The following MED13 variants were observed in gnomAD, a reference collection of about 807,000 sequenced individuals.
The protein encoded by MED13 is mediator complex subunit 13, also known as mediator of RNA polymerase II transcription subunit 13.
A neutral mutation model predicts 225.2 loss-of-function variants in MED13; 23 were observed. That is an observed-to-expected ratio of 0.10 (90% CI 0.07 to 0.14). MED13 has a LOEUF of 0.14. Among genes scored for constraint, MED13 ranks in the 10% least tolerant of loss-of-function variants. The pLI is 1.00. For missense variants in MED13, 2,197 were observed against 2,594.5 expected (o/e 0.85, Z 3.33); for synonymous variants, 942 against 889.2 (o/e 1.06, Z -1.06).
Position 61,992,503 on chromosome 17 carries a change from G to A in MED13, c.2263+37C>T, listed in dbSNP as rs545360444. The A allele has an allele frequency of 3.2e-5, 41 of 1,300,652 alleles. No individual in the cohort carries two copies. The South Asian group carries it at 4.4e-4, about 14-fold the overall frequency. The allele number at this position is 1,300,652 out of a possible 1,614,324, so 80.6% of individuals were successfully genotyped here. ...CAGATCAGTCTGTAGTAACAATCCTGGAATGCAATATTTTCATTAGGAAAT... is the reference window on the plus strand; with the variant it reads ...CAGATCAGTCTGTAGTAACAATCCTAGAATGCAATATTTTCATTAGGAAAT... On this transcript the variant is annotated intron_variant, in intron 11 of 29. Coordinates refer to ENST00000397786, the MANE Select transcript of MED13 (RefSeq NM_005121.3).
At position 61,991,900 on chromosome 17, in the gene MED13, C is replaced by T. The variant is rs543560187; in HGVS notation, c.2263+640G>A. Among the ~76,000 whole-genome samples, 5 of 152,300 alleles carry T rather than the reference C, an allele frequency of 3.3e-5. No individual in the cohort carries two copies. In the South Asian group the frequency reaches 8.3e-4, roughly 25 times the overall value. ...ACCTCAAGTGATCCACCCACCTTGG[C>T]CTCCCAAAGTGCTGGGATTACGGGC... On this transcript the variant is annotated intron_variant, in intron 11 of 29. Coordinates refer to ENST00000397786, the MANE Select transcript of MED13 (RefSeq NM_005121.3).
chr17:61,956,233 T>G, intron 24 of MED13, 106 bp downstream of exon 24: 1 of 1,126,094 alleles, frequency 8.9e-7, no homozygotes, highest in Non-Finnish European at 1.2e-6. Flanking sequence ...GTTCCTTATT[T>G]GATAACCTTT....
Position 61,972,700 on chromosome 17 carries a change from CATT to C in MED13, c.3967+24_3967+26del, listed in dbSNP as rs747456855. 3.9e-6 allele frequency: 6 copies of C among 1,537,858 alleles called. No homozygotes were observed. The South Asian group carries it at 7.6e-5, about 19-fold the overall frequency. ...ATCTGAGGACTGATATAAAATTAGT[CATT>C]ATATATCACTATAAATTACTTACCA... On this transcript the variant is annotated intron_variant, in intron 17 of 29. Coordinates refer to ENST00000397786, the MANE Select transcript of MED13 (RefSeq NM_005121.3).
intron 3 of MED13, among the ~76,000 whole-genome samples, chr17:62,049,078 CAAAAAAAA>C (rs890393330): frequency 2.2e-5 from 1 of 45,316 alleles, no homozygotes; most frequent in East Asian, 8.3e-4. Flanking sequence ...GTAAATAAGA[CAAAAAAAA>C]AAAAAAAAAG....
At chr17:61,996,856 C>T (rs188341273) in intron 9 of MED13, among the ~76,000 whole-genome samples, 1 of 152,306 alleles carries the variant, frequency 6.6e-6, no homozygotes, top group African/African-American at 2.4e-5. Context: ...AACCTTTGTT[C>T]ACTAATTTAG....
chr17:61,966,320 A>T, intron 19 of MED13, 142 bp downstream of exon 19: 1 of 674,350 alleles, frequency 1.5e-6, no homozygotes, highest in Non-Finnish European at 2.5e-6. Context: ...CTCAGCTCCA[A>T]TGTTGTAGCA....
At chr17:62,021,753 G>C (rs754551513) in intron 8 of MED13, among the ~76,000 whole-genome samples, 3 of 152,168 alleles carry the variant, frequency 2.0e-5, no homozygotes, top group Middle Eastern at 3.4e-3. Flanking sequence ...GAGTAAAATC[G>C]GTAGAACCTT....
intron 18 of MED13, among the ~76,000 whole-genome samples, chr17:61,967,478 C>T (rs1260172126): frequency 2.0e-5 from 3 of 152,222 alleles, no homozygotes; most frequent in East Asian, 1.9e-4. Context: ...GACTAAATTT[C>T]GAAGCCTTTG....
chr17:61,960,545 A>C (rs1009866490), intron 23 of MED13, among the ~76,000 whole-genome samples: 2 of 152,224 alleles, frequency 1.3e-5, no homozygotes, highest in Non-Finnish European at 2.9e-5. Context: ...AGAAAAGTTT[A>C]AATGTTCTAT....
intron 3 of MED13, among the ~76,000 whole-genome samples, chr17:62,050,343 A>G (rs1000815981): frequency 1.3e-5 from 2 of 151,052 alleles, no homozygotes; most frequent in African/African-American, 4.9e-5. Flanking sequence ...GGGCAACAAG[A>G]GTGAAACTCC....
intron 13 of MED13, 30 bp downstream of exon 13, chr17:61,984,970 T>C (rs2080235420): frequency 6.2e-7 from 1 of 1,607,402 alleles, no homozygotes; most frequent in Non-Finnish European, 8.5e-7. Context: ...GTTCGCAAAT[T>C]TATCTCGAGC....
chr17:61,986,031 TAG>T (rs2080244635), intron 12 of MED13, among the ~76,000 whole-genome samples: 1 of 152,174 alleles, frequency 6.6e-6, no homozygotes, highest in Non-Finnish European at 1.5e-5. Flanking sequence ...TGTCTTCTGT[TAG>T]ACAGTCTGTG....
chr17:62,062,600 C>CCACACA (rs58730188), intron 2 of MED13, among the ~76,000 whole-genome samples: 6,152 of 136,246 alleles, frequency 0.045, 176 homozygotes, highest in South Asian at 0.077. Context: ...CACACACACA[C>CCACACA]CACACACACA....
chr17:62,056,311 T>C (rs2080996085), intron 2 of MED13, among the ~76,000 whole-genome samples: 1 of 152,186 alleles, frequency 6.6e-6, no homozygotes, highest in African/African-American at 2.4e-5. Flanking sequence ...GGCATAGTGA[T>C]ATGCACTATT....
At chr17:61,967,581 A>G (rs142283831) in intron 18 of MED13, among the ~76,000 whole-genome samples, 20 of 152,332 alleles carry the variant, frequency 1.3e-4, no homozygotes, top group East Asian at 1.2e-3. Context: ...TGTGAGAATT[A>G]TAACTTAAAA....
rs2079831383 is a variant in MED13, at chr17:61,943,663, C to A, written c.*2805G>T. 1 of 152,560 alleles carries A rather than the reference C, an allele frequency of 6.6e-6. No individual in the cohort carries two copies. The highest frequency in any genetic ancestry group is 1.5e-5 in the Non-Finnish European group (1 of 68,012). 9.5% of individuals were successfully genotyped at this position (152,560 alleles called of 1,614,324 possible). ...TACACTTGGTGGCCTTCTGGCCAAA[C>A]AATAAGGTGTACAGAAATTTATTCA... On this transcript the variant is annotated 3_prime_UTR_variant, in exon 30 of 30. Transcript: ENST00000397786.
At chr17:61,974,399 C>G (rs537827659) in intron 16 of MED13, among the ~76,000 whole-genome samples, 1 of 152,192 alleles carries the variant, frequency 6.6e-6, no homozygotes, top group East Asian at 1.9e-4. Context: ...GAGCGAGACC[C>G]TTTCTCAAAA....
rs1157305487 is a variant in MED13 at position 62,015,926 on chromosome 17, A to G, written c.1284-4693T>C. On this transcript the variant is annotated intron_variant, in intron 8 of 29. Coordinates refer to ENST00000397786, the MANE Select transcript of MED13 (RefSeq NM_005121.3). ...ATACACACTATACACATATATATATATATATATATATATATATATATATAT... is the reference window on the plus strand; with the variant it reads ...ATACACACTATACACATATATATATGTATATATATATATATATATATATAT... 3.6e-4 allele frequency among the ~76,000 whole-genome samples: 2 copies of G among 5,578 alleles called. 1 individual carries two copies. The highest frequency in any genetic ancestry group is 9.4e-4 in the Non-Finnish European group (2 of 2,120). 3.7% of individuals were successfully genotyped at this position (5,578 alleles called of 152,430 possible). A position where few individuals can be genotyped will look rare whatever the true frequency, so the allele number is the denominator to read the frequency against.
chr17:62,031,347 G>A (rs2080754069), intron 6 of MED13, 97 bp downstream of exon 6: 1 of 1,090,530 alleles, frequency 9.2e-7, no homozygotes, highest in Non-Finnish European at 1.3e-6. Flanking sequence ...AAATTCTCAA[G>A]AAGTTTGAAA....
Sources: allele counts gnomAD v4.1 joint callset (sites outside exome capture counted in the v4.1 genomes callset), GRCh38; gene constraint gnomAD v4.1.1; transcripts MANE v1.5; gene names NCBI Gene and HGNC (gene_info 2026-07-23, HGNC 2026-07-21).